PRKCA: variants seen among roughly 807,000 people sequenced by gnomAD.
PRKCA encodes protein kinase C alpha.
A neutral mutation model predicts 87.0 loss-of-function variants in PRKCA; 27 were observed. The ratio of observed to expected loss-of-function variants is 0.31; its 90% CI spans 0.23 to 0.43. PRKCA has a LOEUF of 0.43. PRKCA is among the 20% of genes least tolerant of loss of function. PRKCA has a pLI of 1.00. For missense variants in PRKCA, 518 were observed against 852.3 expected, an observed-to-expected ratio of 0.61 and a Z score of 4.88; for synonymous variants, 329 against 311.1, an observed-to-expected ratio of 1.06 and a Z score of -0.61.
chr17:66,391,428 C>T (rs1910351154), intron 2 of PRKCA, among the ~76,000 whole-genome samples: 1 of 152,218 alleles, frequency 6.6e-6, no homozygotes, highest in African/African-American at 2.4e-5. Flanking sequence ...CTTATGGCAT[C>T]TCCAGTGGTG....
intron 3 of PRKCA, among the ~76,000 whole-genome samples, chr17:66,606,277 A>G (rs1326282515): frequency 6.6e-6 from 1 of 152,062 alleles, no homozygotes; most frequent in African/African-American, 2.4e-5. Context: ...AATCCCAGCT[A>G]CTCGGGAGGC....
At chr17:66,504,879 G>T (rs1171950093) in intron 3 of PRKCA, among the ~76,000 whole-genome samples, 2 of 152,100 alleles carry the variant, frequency 1.3e-5, no homozygotes, top group African/African-American at 4.8e-5. Context: ...TGACATATTT[G>T]CCAGTGGACC....
At chr17:66,719,535 G>A (rs1268999566) in intron 8 of PRKCA, among the ~76,000 whole-genome samples, 1 of 152,224 alleles carries the variant, frequency 6.6e-6, no homozygotes, top group East Asian at 1.9e-4. Flanking sequence ...CTTTGGCCGA[G>A]GTGGGTGGAT....
intron 3 of PRKCA, among the ~76,000 whole-genome samples, chr17:66,588,452 GA>G (rs1472322314): frequency 1.3e-5 from 2 of 151,890 alleles, no homozygotes; most frequent in East Asian, 1.9e-4. Context: ...TTTGATGAAA[GA>G]AAAATGAGAA....
chr17:66,415,323 A>G (rs1912072586), intron 2 of PRKCA: 1 of 152,208 alleles, frequency 6.6e-6, no homozygotes, highest in Non-Finnish European at 1.5e-5. Context: ...TGAACAGCTT[A>G]TATCAAATTA....
chr17:66,443,646 G>A (rs887611488), intron 2 of PRKCA, among the ~76,000 whole-genome samples: 1 of 152,174 alleles, frequency 6.6e-6, no homozygotes, highest in Non-Finnish European at 1.5e-5. Flanking sequence ...CCTGAAACGG[G>A]ACAGGCCCTT....
Position 66,336,663 on chromosome 17 carries a change from A to G in PRKCA, c.205+30536A>G, listed in dbSNP as rs77261742. Among the ~76,000 whole-genome samples the G allele has an allele frequency of 5.2e-3, 710 of 137,140 alleles. 7 individuals carry two copies. Among genetic ancestry groups the G allele is most frequent in the African/African-American group, 0.023 (670 of 28,900 alleles). 90.0% of individuals were successfully genotyped at this position (137,140 alleles called of 152,430 possible). A position where few individuals can be genotyped will look rare whatever the true frequency, so the allele number is the denominator to read the frequency against. ...ATAGTAAATTATTAAACATTTGCCT[A>G]TATAGTAAATTATTAAACATTTGCT... is the stretch of plus-strand genomic sequence containing the variant. On this transcript the variant is annotated intron_variant, in intron 2 of 16. Transcript: ENST00000413366.
At chr17:66,607,078 A>G (rs567638089) in intron 3 of PRKCA, among the ~76,000 whole-genome samples, 7 of 152,338 alleles carry the variant, frequency 4.6e-5, no homozygotes, top group African/African-American at 1.7e-4. Flanking sequence ...ATTTTTATAA[A>G]TAGACCTTAT....
chr17:66,770,254 A>G (rs1022796046), intron 13 of PRKCA, among the ~76,000 whole-genome samples: 17 of 152,256 alleles, frequency 1.1e-4, no homozygotes, highest in African/African-American at 3.9e-4. Flanking sequence ...GTTATTAAAT[A>G]TACTATGGCA....
intron 5 of PRKCA, among the ~76,000 whole-genome samples, chr17:66,674,090 C>T (rs1328588920): frequency 6.6e-6 from 1 of 152,200 alleles, no homozygotes; most frequent in Non-Finnish European, 1.5e-5. Flanking sequence ...CAGCAGGAAT[C>T]CAATGAGCGC....
chr17:66,636,394 GCAGA>G (rs898303957), intron 3 of PRKCA, among the ~76,000 whole-genome samples: 35 of 152,358 alleles, frequency 2.3e-4, no homozygotes, highest in African/African-American at 8.4e-4. Flanking sequence ...GTTTGGGTTA[GCAGA>G]CAGTTTAACA....
intron 14 of PRKCA, among the ~76,000 whole-genome samples, chr17:66,785,018 ACCTT>A (rs1258982591): frequency 6.6e-6 from 1 of 152,056 alleles, no homozygotes; most frequent in Non-Finnish European, 1.5e-5. Flanking sequence ...ACCAAATTGA[ACCTT>A]CCTTACACCA....
At chr17:66,708,764 G>A (rs905215269) in intron 8 of PRKCA, among the ~76,000 whole-genome samples, 2 of 152,280 alleles carry the variant, frequency 1.3e-5, no homozygotes, top group South Asian at 2.1e-4. Flanking sequence ...GAAAGATGTA[G>A]GAGAAATGCC....
At chr17:66,561,263 G>C (rs1968671440) in intron 3 of PRKCA, among the ~76,000 whole-genome samples, 1 of 152,166 alleles carries the variant, frequency 6.6e-6, no homozygotes, top group Non-Finnish European at 1.5e-5. Context: ...GATGGAACTG[G>C]AGTTTAAAAT....
chr17:66,779,021 T>A (rs953340706), intron 14 of PRKCA, among the ~76,000 whole-genome samples: 1 of 152,140 alleles, frequency 6.6e-6, no homozygotes, highest in Non-Finnish European at 1.5e-5. Flanking sequence ...CAAATTTAAA[T>A]GTATTCCTAG....
chr17:66,335,577 C>A (rs1045774261), intron 2 of PRKCA, among the ~76,000 whole-genome samples: 1 of 151,096 alleles, frequency 6.6e-6, no homozygotes, highest in Admixed American at 6.6e-5. Flanking sequence ...AGTGAAACTC[C>A]CCCCACTGCC....
At chr17:66,482,098 CAAAAAAAAAAAAAAAAAAA>C (rs1915806037) in intron 2 of PRKCA, among the ~76,000 whole-genome samples, 1 of 89,342 alleles carries the variant, frequency 1.1e-5, no homozygotes, top group East Asian at 3.0e-4. Flanking sequence ...AAGACTGTCT[CAAAAAAAAAAAAAAAAAAA>C]GAAAAAAAGA....
chr17:66,680,598 C>A (rs752557015), intron 5 of PRKCA, among the ~76,000 whole-genome samples: 2 of 152,064 alleles, frequency 1.3e-5, no homozygotes, highest in African/African-American at 4.8e-5. Flanking sequence ...AGACATGAAC[C>A]CTTTGATGGG....
intron 2 of PRKCA, among the ~76,000 whole-genome samples, chr17:66,494,963 G>A (rs971332870): frequency 2.0e-5 from 3 of 151,976 alleles, no homozygotes; most frequent in Non-Finnish European, 4.4e-5. Flanking sequence ...TGAGCAGGGT[G>A]TGGTGGCACT....
Sources: allele counts gnomAD v4.1 joint callset (sites outside exome capture counted in the v4.1 genomes callset), GRCh38; gene constraint gnomAD v4.1.1; transcripts MANE v1.5; gene names NCBI Gene and HGNC (gene_info 2026-07-23, HGNC 2026-07-21).